Variants in DNAH10 observed in about 807,000 individuals in gnomAD.
The protein encoded by DNAH10 is dynein axonemal heavy chain 10.
A neutral mutation model predicts 506.6 loss-of-function variants in DNAH10; 348 were observed. The observed-to-expected ratio is 0.69, with a 90% CI of 0.63 to 0.75. The LOEUF is 0.75. Ranked by LOEUF, DNAH10 falls within the 30% of genes least tolerant of loss-of-function variation. The pLI is 0.00. For missense variants in DNAH10, 5,179 were observed against 5,787.1 expected (o/e 0.89, Z 3.41); for synonymous variants, 2,059 against 2,198.6 (o/e 0.94, Z 1.78).
At chr12:123,803,098 T>C (rs1958533893) in intron 16 of DNAH10, among the ~76,000 whole-genome samples, 1 of 152,020 alleles carries the variant, frequency 6.6e-6, no homozygotes. Context: ...AGTGTATCAA[T>C]TTTTCCTTTA....
intron 46 of DNAH10, 59 bp downstream of exon 46, chr12:123,873,769 G>T (rs1358841184): frequency 1.3e-5 from 20 of 1,515,910 alleles, no homozygotes; most frequent in Admixed American, 2.2e-5. Flanking sequence ...TGTTTGCATG[G>T]GTGTGTGTGT....
intron 46 of DNAH10, among the ~76,000 whole-genome samples, chr12:123,874,265 G>GTCCGTCCATCCA (rs1555241063): frequency 2.1e-5 from 3 of 145,606 alleles, no homozygotes; most frequent in Admixed American, 6.8e-5. Flanking sequence ...GAGTCCGTCC[G>GTCCGTCCATCCA]TCCATCCATC....
chr12:123,822,908 C>A (rs1959571535), intron 24 of DNAH10, among the ~76,000 whole-genome samples: 1 of 152,224 alleles, frequency 6.6e-6, no homozygotes, highest in Non-Finnish European at 1.5e-5. Flanking sequence ...GGGCCACCTG[C>A]TTTACTCAGT....
At chr12:123,788,547 G>A (rs2136209423) in intron 10 of DNAH10, among the ~76,000 whole-genome samples, 1 of 152,330 alleles carries the variant, frequency 6.6e-6, no homozygotes, top group South Asian at 2.1e-4. Context: ...TGAGTACAAA[G>A]CAGGTCCGGC....
chr12:123,776,108 C>T (rs1242972814), intron 5 of DNAH10, among the ~76,000 whole-genome samples: 2 of 152,140 alleles, frequency 1.3e-5, no homozygotes, highest in East Asian at 1.9e-4. Context: ...CCAGGTCTCT[C>T]CCATGACACG....
In DNAH10 at chr12:123,929,847, A is replaced by G. The variant is rs539207491; in HGVS notation, c.12612+88A>G. ...CCCTATTTTCCTCTGAGCCCTCAGA[A>G]CCAGCCTCTTCTGCCCCTGTGTTCC... is the stretch of plus-strand genomic sequence containing the variant. On this transcript the variant is annotated intron_variant, in intron 72 of 78. Transcript: ENST00000673944. The G allele has an allele frequency of 8.6e-5, 103 of 1,199,662 alleles. 1 individual carries two copies. In the South Asian group the frequency reaches 1.4e-3, roughly 16 times the overall value. The allele number at this position is 1,199,662 out of a possible 1,614,324, so 74.3% of individuals were successfully genotyped here. A position where few individuals can be genotyped will look rare whatever the true frequency, so the allele number is the denominator to read the frequency against.
intron 21 of DNAH10, among the ~76,000 whole-genome samples, chr12:123,814,657 C>A (rs1232249141): frequency 6.7e-6 from 1 of 148,188 alleles, no homozygotes; most frequent in Non-Finnish European, 1.5e-5. Context: ...CTCTGTCGCC[C>A]AGGCTGGAGT....
intron 5 of DNAH10, among the ~76,000 whole-genome samples, chr12:123,774,572 T>C (rs1478877389): frequency 3.3e-5 from 5 of 152,216 alleles, no homozygotes; most frequent in East Asian, 1.9e-4. Flanking sequence ...ATTGTTTCTA[T>C]AGATATTAAA....
In DNAH10 at chr12:123,785,654, A is replaced by AAT; in HGVS notation, c.1231-92_1231-91insAT. 1 of 1,034,074 alleles carries AAT rather than the reference A, an allele frequency of 9.7e-7. No homozygotes were observed. 64.1% of individuals were successfully genotyped at this position (1,034,074 alleles called of 1,614,324 possible). A position where few individuals can be genotyped will look rare whatever the true frequency, so the allele number is the denominator to read the frequency against. On this transcript the variant is annotated intron_variant, in intron 8 of 78. Transcript: ENST00000673944. This position sits in a 1 kb window ranked among gnomAD's most constrained non-coding sequence, Gnocchi z 4.1. The stretch of plus-strand genomic sequence containing the variant: ...TCTCAAGGAAAAAAAAAAAAAAAAA[A>AAT]GAGTGAAACTTCTTGCATGCTTACT...
At chr12:123,867,638 C>A (rs761814605) in intron 42 of DNAH10, 37 bp downstream of exon 42, 2 of 1,610,598 alleles carry the variant, frequency 1.2e-6, no homozygotes, top group Admixed American at 1.7e-5. Context: ...AAAAGAAATT[C>A]TTTCCTAAAG....
intron 5 of DNAH10, 24 bp from the exon 6 acceptor site, chr12:123,781,056 T>C (rs1279816820): frequency 6.4e-7 from 1 of 1,568,720 alleles, no homozygotes; most frequent in Non-Finnish European, 8.7e-7. Flanking sequence ...TCATATGATG[T>C]ATTTCATAAA....
In DNAH10 at chr12:123,926,836, A is replaced by G. The variant is rs1337500079; in HGVS notation, c.12105+16A>G. 1 of 1,613,086 alleles carries G rather than the reference A, an allele frequency of 6.2e-7. No homozygotes were observed. The highest frequency in any genetic ancestry group is 8.5e-7 in the Non-Finnish European group (1 of 1,179,738). The stretch of plus-strand genomic sequence containing the variant: ...TCAAGAAAAGGTAATTTGTGGCTGA[A>G]AGGAACAAGCTCTACGTTTAGGGGA... On this transcript the variant is annotated intron_variant, in intron 69 of 78. Coordinates refer to ENST00000673944, the MANE Select transcript of DNAH10 (RefSeq NM_001372106.1). The surrounding 1 kb of genome is among the most constrained non-coding windows in gnomAD (Gnocchi z 4.1).
chr12:123,813,861 A>G lies in DNAH10; in HGVS notation c.3729A>G (p.Arg1243=), dbSNP rs372341879. 1.9e-6 allele frequency: 3 copies of G among 1,612,446 alleles called. No homozygotes were observed. Among genetic ancestry groups the G allele is most frequent in the Non-Finnish European group, 2.5e-6 (3 of 1,179,642 alleles). Residue 1243 remains arginine, a synonymous_variant, in exon 21 of 79, where the codon AGA becomes AGG. Transcript: ENST00000673944. ...IRSKSLVMEL[R]YRDVQERYRT... ...GTAAATCTCTAGTCATGGAACTCAG[A>G]TATAGGGACGTCCAGGAGCGATACC...
chr12:123,823,792 C>T (rs572780247), intron 24 of DNAH10, among the ~76,000 whole-genome samples: 1 of 152,154 alleles, frequency 6.6e-6, no homozygotes, highest in African/African-American at 2.4e-5. Context: ...TAAAAATATA[C>T]AATTTTTATT....
intron 45 of DNAH10, among the ~76,000 whole-genome samples, chr12:123,872,226 T>C (rs991156145): frequency 2.0e-5 from 3 of 152,078 alleles, no homozygotes; most frequent in Non-Finnish European, 1.5e-5. Flanking sequence ...GGGTCGGATA[T>C]GTACCTGGCA....
chr12:123,813,218 G>C lies in DNAH10; in HGVS notation c.3199G>C (p.Glu1067Gln), dbSNP rs1372525437. 1 of 1,613,826 alleles carries C rather than the reference G, an allele frequency of 6.2e-7. No individual in the cohort carries two copies. Among genetic ancestry groups the C allele is most frequent in the Non-Finnish European group, 8.5e-7 (1 of 1,179,884 alleles). Residue 1067 changes from glutamate (E) to glutamine (Q), a missense_variant, in exon 20 of 79, where the codon GAG becomes CAG. Transcript: ENST00000673944. ...CATAGAATGCCCACCTCAGAAGGGG[G>C]AGGAAGAGGAAGTTGTTATAATAAA... ...SCIECPPQKGEEEEVVIINFY... is the reference protein window; with the variant it reads ...SCIECPPQKGQEEEVVIINFY...
chr12:123,788,863 C>T (rs1565904648), intron 10 of DNAH10, among the ~76,000 whole-genome samples: 2 of 150,010 alleles, frequency 1.3e-5, no homozygotes, highest in South Asian at 2.1e-4. Context: ...GAGGTTGAGG[C>T]GCAGTGAGCC....
intron 13 of DNAH10, 38 bp downstream of exon 13, chr12:123,796,870 T>TG: frequency 1.3e-6 from 2 of 1,527,208 alleles, no homozygotes; most frequent in Non-Finnish European, 1.8e-6. Context: ...CTTTTGTATT[T>TG]GATTTTTTTT....
At position 123,916,275 on chromosome 12, in the gene DNAH10, GC is replaced by G. The variant is rs1361205288; in HGVS notation, c.10723-179del. ...CTCTACCCTGTTTGAGCAAGATCCT[GC>G]CCTGAGCCTGGACCTCATGGTGTAT... On this transcript the variant is annotated intron_variant, in intron 62 of 78. Coordinates refer to ENST00000673944, the MANE Select transcript of DNAH10 (RefSeq NM_001372106.1). The surrounding 1 kb of genome is among the most constrained non-coding windows in gnomAD (Gnocchi z 4.6). 6.6e-6 allele frequency among the ~76,000 whole-genome samples: 1 copy of G among 152,138 alleles called. No individual in the cohort carries two copies. Among genetic ancestry groups the G allele is most frequent in the Non-Finnish European group, 1.5e-5 (1 of 68,022 alleles).
Sources: allele counts gnomAD v4.1 joint callset (sites outside exome capture counted in the v4.1 genomes callset), GRCh38; gene constraint gnomAD v4.1.1; non-coding constraint Gnocchi (gnomAD v3.1); transcripts MANE v1.5; gene names NCBI Gene and HGNC (gene_info 2026-07-23, HGNC 2026-07-21).